The following FAM163A variants were observed in gnomAD, a reference collection of about 807,000 sequenced individuals.
The protein encoded by FAM163A is family with sequence similarity 163 member A.
Under a neutral mutation model 12.0 loss-of-function variants are expected in FAM163A, and 7 were observed. The observed-to-expected ratio is 0.58, with a 90% CI of 0.33 to 1.10. The LOEUF (loss-of-function observed/expected upper bound fraction) is 1.10, where lower values mean the gene tolerates loss of function less well. Among genes scored for constraint, FAM163A ranks in the 50% least tolerant of loss-of-function variants. The pLI is 0.03. For missense variants in FAM163A, 202 were observed against 218.6 expected (o/e 0.92, Z 0.48); for synonymous variants, 101 against 91.0 (o/e 1.11, Z -0.62).
intron 1 of FAM163A, among the ~76,000 whole-genome samples, chr1:179,766,355 C>A (rs1687497357): frequency 6.6e-6 from 1 of 152,214 alleles, no homozygotes; most frequent in African/African-American, 2.4e-5. Context: ...GCTCCACACC[C>A]AGAGGAAGGA....
chr1:179,785,618 C>A (rs1323342406), intron 1 of FAM163A, among the ~76,000 whole-genome samples: 3 of 152,044 alleles, frequency 2.0e-5, no homozygotes, highest in Non-Finnish European at 4.4e-5. Context: ...CGAGGCAAAA[C>A]CTTTAAAACA....
At chr1:179,767,313 A>C (rs16854692) in intron 1 of FAM163A, among the ~76,000 whole-genome samples, 1 of 152,026 alleles carries the variant, frequency 6.6e-6, no homozygotes, top group Non-Finnish European at 1.5e-5. Context: ...AATTTGAAAA[A>C]TGGCCTATGA....
At chr1:179,755,136 CAAAAAAAA>C (rs35201060) in intron 1 of FAM163A, among the ~76,000 whole-genome samples, 2 of 109,444 alleles carry the variant, frequency 1.8e-5, no homozygotes, top group Non-Finnish European at 3.9e-5. Flanking sequence ...GACTCTGCCT[CAAAAAAAA>C]AAAAAAAAGA....
intron 1 of FAM163A, among the ~76,000 whole-genome samples, chr1:179,790,517 T>C (rs1194415204): frequency 6.6e-6 from 1 of 152,106 alleles, no homozygotes; most frequent in Non-Finnish European, 1.5e-5. Context: ...CACCTGCAGA[T>C]ACAGGCTGGA....
At chr1:179,802,857 A>G (rs913707968) in intron 1 of FAM163A, among the ~76,000 whole-genome samples, 2 of 151,178 alleles carry the variant, frequency 1.3e-5, no homozygotes, top group Non-Finnish European at 3.0e-5. Flanking sequence ...AGGGTAAACC[A>G]CCTGCCATTG....
intron 1 of FAM163A, among the ~76,000 whole-genome samples, chr1:179,745,858 C>G (rs975703842): frequency 3.3e-5 from 5 of 152,148 alleles, no homozygotes; most frequent in Non-Finnish European, 7.4e-5. Context: ...ACTCCTTCCT[C>G]GGGGCCACTT....
In FAM163A at chr1:179,779,478, A is replaced by G. The variant is rs560234755; in HGVS notation, c.-135-28320A>G. On this transcript the variant is annotated intron_variant, in intron 1 of 4. Coordinates refer to ENST00000341785, the MANE Select transcript of FAM163A (RefSeq NM_173509.3). ...TGTGGGTGACTCTTGGCCAGCATAG[A>G]GACCTGCTCCCTCCTGAAAGCCTTA... Among the ~76,000 whole-genome samples, 4 of 152,296 alleles carry G rather than the reference A, an allele frequency of 2.6e-5. No homozygotes were observed. In the East Asian group the frequency reaches 7.7e-4, roughly 29 times the overall value.
At chr1:179,784,130 C>T (rs1038510845) in intron 1 of FAM163A, among the ~76,000 whole-genome samples, 3 of 152,062 alleles carry the variant, frequency 2.0e-5, no homozygotes, top group Non-Finnish European at 4.4e-5. Context: ...TCCTGGAAGG[C>T]TAGGGTGCAA....
At chr1:179,797,417 A>G (rs1264431223) in intron 1 of FAM163A, among the ~76,000 whole-genome samples, 1 of 152,130 alleles carries the variant, frequency 6.6e-6, no homozygotes, top group Admixed American at 6.5e-5. Context: ...CACTGCACTC[A>G]CGCCAGCCCA....
At chr1:179,728,637 G>A in the FAM163A span, among the ~76,000 whole-genome samples, 1 of 152,116 alleles carries the variant, frequency 6.6e-6, no homozygotes, top group Non-Finnish European at 1.5e-5. Flanking sequence ...ATGTTTGTGG[G>A]TTTGTGATTT....
intron 1 of FAM163A, among the ~76,000 whole-genome samples, chr1:179,782,840 C>G (rs769371229): frequency 5.9e-5 from 9 of 152,210 alleles, no homozygotes; most frequent in Non-Finnish European, 1.0e-4. Flanking sequence ...GCAATCCAGA[C>G]CTCCCACCCC....
At chr1:179,778,515 G>GCAT (rs1330745675) in intron 1 of FAM163A, among the ~76,000 whole-genome samples, 5 of 152,178 alleles carry the variant, frequency 3.3e-5, no homozygotes, top group African/African-American at 1.2e-4. Flanking sequence ...GTGGAGTAGA[G>GCAT]CATCGCATGC....
At position 179,760,430 on chromosome 1, in the gene FAM163A, G is replaced by T. The variant is rs576401539; in HGVS notation, c.-136+17007G>T. ...GAGGTGTTGAAGTCATGGAAGGGAA[G>T]CTAATCTAACTCAGGGGAAGGGGAG... On this transcript the variant is annotated intron_variant, in intron 1 of 4. Coordinates refer to ENST00000341785, the MANE Select transcript of FAM163A (RefSeq NM_173509.3). 2.0e-5 allele frequency among the ~76,000 whole-genome samples: 3 copies of T among 152,226 alleles called. No homozygotes were observed. In the South Asian group the frequency reaches 6.2e-4, roughly 32 times the overall value.
At chr1:179,787,445 G>A (rs967348038) in intron 1 of FAM163A, among the ~76,000 whole-genome samples, 10 of 152,164 alleles carry the variant, frequency 6.6e-5, no homozygotes, top group African/African-American at 1.9e-4. Flanking sequence ...AGGTTCCCTC[G>A]CGCACAGTTT....
At chr1:179,736,288 G>T in the FAM163A span, among the ~76,000 whole-genome samples, 1 of 151,602 alleles carries the variant, frequency 6.6e-6, no homozygotes, top group Non-Finnish European at 1.5e-5. Context: ...TTTGATAAGG[G>T]TTAATATCTG....
chr1:179,760,710 G>C (rs1396407157), intron 1 of FAM163A, among the ~76,000 whole-genome samples: 1 of 152,206 alleles, frequency 6.6e-6, no homozygotes, highest in Non-Finnish European at 1.5e-5. Context: ...GCAAAGGCAG[G>C]AGCAGAGGGG....
chr1:179,814,117 T>C lies in FAM163A; in HGVS notation c.432T>C (p.Ser144=), dbSNP rs1265650344. The C allele has an allele frequency of 6.2e-7, 1 of 1,613,926 alleles. No homozygotes were observed. The highest frequency in any genetic ancestry group is 1.3e-5 in the African/African-American group (1 of 74,876). ...PPSLKLAAPQ[S]YPVTWPGSGR... ...CCCTCAAATTGGCAGCACCCCAGAG[T>C]TACCCGGTGACCTGGCCAGGCTCTG... The change falls in exon 5 of 5, where the codon AGT becomes AGC. Residue 144 remains serine, a synonymous_variant. Coordinates refer to ENST00000341785, the MANE Select transcript of FAM163A (RefSeq NM_173509.3).
At chr1:179,773,410 T>C (rs1688525801) in intron 1 of FAM163A, among the ~76,000 whole-genome samples, 2 of 152,218 alleles carry the variant, frequency 1.3e-5, no homozygotes, top group African/African-American at 2.4e-5. Flanking sequence ...TGTCACTAGA[T>C]TGTATCGGTG....
intron 1 of FAM163A, among the ~76,000 whole-genome samples, chr1:179,762,953 G>A (rs778166470): frequency 4.6e-5 from 7 of 152,130 alleles, no homozygotes; most frequent in Non-Finnish European, 7.4e-5. Flanking sequence ...AAGACAAATC[G>A]ACAGGAGAAA....
Sources: gnomAD v4.1 joint callset for allele counts (sites outside exome capture counted in the v4.1 genomes callset) on GRCh38, gnomAD v4.1.1 for gene constraint, MANE v1.5 for transcripts, NCBI Gene and HGNC (gene_info 2026-07-23, HGNC 2026-07-21) for gene names.